Variants in LAMC1 observed in about 807,000 individuals in gnomAD.
LAMC1 encodes laminin subunit gamma-1.
LAMC1 carries 38 observed loss-of-function variants against 173.6 expected under a neutral mutation model. The observed-to-expected ratio is 0.22, with a 90% CI of 0.17 to 0.29. The LOEUF (loss-of-function observed/expected upper bound fraction) is 0.29, where lower values mean the gene tolerates loss of function less well. Among genes scored for constraint, LAMC1 ranks in the 10% least tolerant of loss-of-function variants. LAMC1 has a pLI of 1.00. For synonymous variants in LAMC1, 746 were observed against 749.1 expected (o/e 1.00, Z 0.07); for missense variants, 1,824 against 2,051.8 (o/e 0.89, Z 2.14).
intron 24 of LAMC1, 107 bp from the exon 25 acceptor site, chr1:183,136,279 C>A (rs193013782): frequency 3.3e-6 from 3 of 915,180 alleles, no homozygotes; most frequent in African/African-American, 1.6e-5. Flanking sequence ...CCATTTTTTA[C>A]CCTGACTTCC....
At chr1:183,074,480 A>T (rs976943280) in intron 1 of LAMC1, among the ~76,000 whole-genome samples, 2 of 152,206 alleles carry the variant, frequency 1.3e-5, no homozygotes, top group African/African-American at 4.8e-5. Flanking sequence ...CACTCTTGAC[A>T]GGGTCCTGGT....
At chr1:183,101,400 G>A (rs1321760315) in intron 1 of LAMC1, among the ~76,000 whole-genome samples, 1 of 151,118 alleles carries the variant, frequency 6.6e-6, no homozygotes, top group African/African-American at 2.4e-5. Context: ...CAGAAAGTGT[G>A]TAAACTGTAT....
intron 17 of LAMC1, among the ~76,000 whole-genome samples, chr1:183,128,140 A>G (rs1046150564): frequency 6.6e-6 from 1 of 152,172 alleles, no homozygotes; most frequent in African/African-American, 2.4e-5. Context: ...CTCAGAGAGA[A>G]TAGAGGTAAG....
intron 1 of LAMC1, among the ~76,000 whole-genome samples, chr1:183,078,306 G>C (rs1426190452): frequency 6.6e-6 from 1 of 152,216 alleles, no homozygotes; most frequent in Non-Finnish European, 1.5e-5. Flanking sequence ...GAGCTGGTCA[G>C]GCGCGGTGGC....
intron 11 of LAMC1, among the ~76,000 whole-genome samples, chr1:183,119,445 T>G (rs997880745): frequency 6.6e-6 from 1 of 152,144 alleles, no homozygotes; most frequent in Non-Finnish European, 1.5e-5. Flanking sequence ...TGTCAACATA[T>G]GGGCAATAAT....
intron 18 of LAMC1, 174 bp downstream of exon 18, chr1:183,128,924 T>C (rs762320732): frequency 9.5e-5 from 39 of 411,274 alleles, no homozygotes; most frequent in Non-Finnish European, 5.8e-5. Flanking sequence ...CTGACAAATT[T>C]ACTGCTTTAA....
intron 1 of LAMC1, among the ~76,000 whole-genome samples, chr1:183,095,320 A>G (rs536664642): frequency 6.6e-6 from 1 of 152,238 alleles, no homozygotes; most frequent in East Asian, 1.9e-4. Context: ...TTGTTTTTCT[A>G]ATTAGATTTT....
intron 20 of LAMC1, among the ~76,000 whole-genome samples, chr1:183,131,903 A>G (rs10752904): frequency 0.52 from 78,838 of 152,160 alleles, 21,128 homozygotes; most frequent in South Asian, 0.65. Flanking sequence ...CAGTTTTAGA[A>G]TGCTATTCAT....
intron 4 of LAMC1, among the ~76,000 whole-genome samples, chr1:183,111,467 G>A (rs927211494): frequency 2.0e-5 from 3 of 152,004 alleles, no homozygotes; most frequent in African/African-American, 7.2e-5. Flanking sequence ...CTCCCCTGTT[G>A]GAGAGGTGGG....
intron 12 of LAMC1, 51 bp downstream of exon 12, chr1:183,121,995 G>A: frequency 1.2e-6 from 2 of 1,606,770 alleles, no homozygotes; most frequent in Non-Finnish European, 1.7e-6. Context: ...TAGCAATTGT[G>A]TAGAAAGTGC....
chr1:183,086,601 A>T (rs1655435202), intron 1 of LAMC1, among the ~76,000 whole-genome samples: 1 of 152,238 alleles, frequency 6.6e-6, no homozygotes, highest in Admixed American at 6.5e-5. Flanking sequence ...CCAAAGATGG[A>T]AACAACTATT....
chr1:183,136,325 G>GA, intron 24 of LAMC1, 61 bp from the exon 25 acceptor site: 1 of 1,464,226 alleles, frequency 6.8e-7, no homozygotes, highest in Non-Finnish European at 9.5e-7. Context: ...GGAACTCCCT[G>GA]AAAGGCCCCC....
At chr1:183,034,280 CTT>C in intron 1 of LAMC1, among the ~76,000 whole-genome samples, 1 of 151,806 alleles carries the variant, frequency 6.6e-6, no homozygotes, top group East Asian at 1.9e-4. Context: ...TCAGTTGAAA[CTT>C]TTTTCTGAGA....
At chr1:183,095,226 A>G (rs1310413057) in intron 1 of LAMC1, among the ~76,000 whole-genome samples, 4 of 152,208 alleles carry the variant, frequency 2.6e-5, no homozygotes, top group Non-Finnish European at 4.4e-5. Flanking sequence ...AAAGTAAACT[A>G]TTGGTCAACT....
At chr1:183,050,685 A>G (rs1654400322) in intron 1 of LAMC1, among the ~76,000 whole-genome samples, 1 of 149,230 alleles carries the variant, frequency 6.7e-6, no homozygotes, top group African/African-American at 2.4e-5. Flanking sequence ...TGAGGTCAGG[A>G]GTTCGAGACC....
At chr1:183,118,192 G>C in intron 11 of LAMC1, 46 bp downstream of exon 11, 1 of 1,140,622 alleles carries the variant, frequency 8.8e-7, no homozygotes, top group Non-Finnish European at 1.3e-6. Flanking sequence ...AAGATGATTG[G>C]TTAGAAAGAT....
intron 1 of LAMC1, among the ~76,000 whole-genome samples, chr1:183,028,150 T>TCCCCC (rs1553252306): frequency 6.9e-6 from 1 of 145,646 alleles, no homozygotes; most frequent in African/African-American, 2.5e-5. Context: ...TATAAGGCAT[T>TCCCCC]CCTCCCCCCC....
Position 183,133,434 on chromosome 1 carries a change from G to A in LAMC1, c.3733G>A (p.Asp1245Asn), listed in dbSNP as rs1295863627. The change falls in exon 22 of 28, where the codon GAT becomes AAT. Residue 1245 changes from aspartate to asparagine, a missense_variant. Coordinates refer to ENST00000258341, the MANE Select transcript of LAMC1 (RefSeq NM_002293.4). Reference protein sequence around the residue: ...KYEQAKNISQDLEKQAARVHE... With the variant: ...KYEQAKNISQNLEKQAARVHE... ...TGAACAAGCGAAGAACATCTCACAG[G>A]ATCTGGAAAAACAAGCTGCCCGAGT... 1.2e-6 allele frequency: 2 copies of A among 1,613,878 alleles called. No individual in the cohort carries two copies. The highest frequency in any genetic ancestry group is 2.7e-5 in the African/African-American group (2 of 74,912).
In LAMC1 at chr1:183,118,130, G is replaced by T. The variant is rs780014991; in HGVS notation, c.1974G>T (p.Gly658=). ...LNNLTSIKIR[G]TYSERSAGYL... ...ACTTGACCTCTATCAAGATACGTGG[G>T]ACATACAGTGAGAGAAGTAAGTTAT... Residue 658 remains glycine, a synonymous_variant, in exon 11 of 28, where the codon GGG becomes GGT. Transcript: ENST00000258341. 2.3e-5 allele frequency: 36 copies of T among 1,575,350 alleles called. No individual in the cohort carries two copies. The highest frequency in any genetic ancestry group is 3.1e-5 in the Non-Finnish European group (35 of 1,145,526).
Sources: gnomAD v4.1 joint callset for allele counts (sites outside exome capture counted in the v4.1 genomes callset) on GRCh38, gnomAD v4.1.1 for gene constraint, MANE v1.5 for transcripts, NCBI Gene and HGNC (gene_info 2026-07-23, HGNC 2026-07-21) for gene names.